Variants in VGLL1 observed in about 807,000 individuals in gnomAD.
VGLL1 encodes vestigial like family member 1, also known as transcription cofactor vestigial-like protein 1.
Under a neutral mutation model 12.0 loss-of-function variants are expected in VGLL1, and 4 were observed. The ratio of observed to expected loss-of-function variants is 0.33; its 90% CI spans 0.16 to 0.76. VGLL1 has a LOEUF of 0.76. VGLL1 is among the 30% of genes least tolerant of loss of function. VGLL1 has a pLI of 0.60. For synonymous variants in VGLL1, 87 were observed against 81.2 expected (o/e 1.07, Z -0.39); for missense variants, 204 against 208.7 (o/e 0.98, Z 0.14).
In VGLL1 at chrX:136,548,676, A is replaced by T; in HGVS notation, c.302A>T (p.Asn101Ile). The T allele has an allele frequency of 8.2e-7, 1 of 1,212,190 alleles. No individual in the cohort carries two copies. Among genetic ancestry groups the T allele is most frequent in the East Asian group, 3.0e-5 (1 of 33,848 alleles). The change falls in exon 3 of 5, where the codon AAC (asparagine) becomes ATC (isoleucine). Residue 101 changes from asparagine to isoleucine, a missense_variant. Transcript: ENST00000370634. Reference protein sequence around the residue: ...PEVPVTNRAANCNLHVPGPMA... With the variant: ...PEVPVTNRAAICNLHVPGPMA... ...GTACCTGTCACAAACCGTGCCGCCA[A>T]CTGCAACTTGCATGTGCCTGGTCCC... is the stretch of plus-strand genomic sequence containing the variant.
chrX:136,548,570 C>G lies in VGLL1; in HGVS notation c.215-19C>G. On this transcript the variant is annotated intron_variant, in intron 2 of 4. Coordinates refer to ENST00000370634, the MANE Select transcript of VGLL1 (RefSeq NM_016267.4). Reference sequence around the variant, plus strand: ...AAACAATAAACACCTAACATGTCTTCTAAATCTTTCCTTCTCAGATGATAG... The same window carrying G: ...AAACAATAAACACCTAACATGTCTTGTAAATCTTTCCTTCTCAGATGATAG... The G allele has an allele frequency of 8.3e-7, 1 of 1,200,920 alleles. No homozygotes were observed. The highest frequency in any genetic ancestry group is 1.8e-5 in the South Asian group (1 of 56,254).
chrX:136,553,711 G>T (rs987892362), intron 4 of VGLL1, among the ~76,000 whole-genome samples: 5 of 112,133 alleles, frequency 4.5e-5, no homozygotes, highest in Admixed American at 9.5e-5. Context: ...GATTTCCTAT[G>T]TGAGGCTCCA....
At chrX:136,542,619 G>T (rs1366551808) in intron 2 of VGLL1, among the ~76,000 whole-genome samples, 2 of 112,286 alleles carry the variant, frequency 1.8e-5, no homozygotes, top group African/African-American at 6.5e-5. Flanking sequence ...TCTGCATGTT[G>T]GTTGTGCTTC....
chrX:136,539,171 A>G (rs7884141), intron 2 of VGLL1, among the ~76,000 whole-genome samples: 22,667 of 111,363 alleles, frequency 0.2, 2,403 homozygotes, highest in African/African-American at 0.4. Context: ...ATTCATTATA[A>G]TCATTCCCTT....
chrX:136,535,179 C>A (rs2075836133), intron 1 of VGLL1, among the ~76,000 whole-genome samples: 1 of 111,309 alleles, frequency 9.0e-6, no homozygotes, highest in Non-Finnish European at 1.9e-5. Flanking sequence ...ATGATGATAC[C>A]AATGATGGAA....
rs776975203 is a variant in VGLL1 at position 136,535,983 on chromosome X, C to T, written c.-25-13C>T. 9 of 1,178,674 alleles carry T rather than the reference C, an allele frequency of 7.6e-6. No individual in the cohort carries two copies. The highest frequency in any genetic ancestry group is 1.1e-6 in the Non-Finnish European group (1 of 870,866). ...GTAAATAGTGCCAGTGACATTTTGC[C>T]TTTGGTCCACAGCTGTCACCTGTGT... is the stretch of plus-strand genomic sequence containing the variant. On this transcript the variant is annotated splice_polypyrimidine_tract_variant and intron_variant, in intron 1 of 4. Transcript: ENST00000370634.
chrX:136,552,690 A>C (rs1160762565), intron 4 of VGLL1, among the ~76,000 whole-genome samples: 1 of 112,264 alleles, frequency 8.9e-6, no homozygotes, highest in Non-Finnish European at 1.9e-5. Flanking sequence ...CATTTTATAG[A>C]TGAAGAAACT....
chrX:136,547,194 C>G (rs1182157569), intron 2 of VGLL1, among the ~76,000 whole-genome samples: 1 of 112,634 alleles, frequency 8.9e-6, no homozygotes, highest in South Asian at 3.7e-4. Context: ...CACCCACCCT[C>G]TCTCCATTAT....
At chrX:136,551,001 G>A (rs745712500) in intron 4 of VGLL1, 180 bp downstream of exon 4, 55 of 428,942 alleles carry the variant, frequency 1.3e-4, no homozygotes, top group South Asian at 2.7e-4. Flanking sequence ...TTTCATTTTA[G>A]CCTCAAAAAA....
At chrX:136,532,573 ATTTCTTTCTTTC>A (rs778585359) in intron 1 of VGLL1, among the ~76,000 whole-genome samples, 7,184 of 41,332 alleles carry the variant, frequency 0.17, 975 homozygotes, top group Middle Eastern at 0.21. Context: ...GTGCTCAAAT[ATTTCTTTCTTTC>A]TTTCTTTCTT....
chrX:136,552,842 G>C (rs1361309960), intron 4 of VGLL1, among the ~76,000 whole-genome samples: 1 of 112,010 alleles, frequency 8.9e-6, no homozygotes, highest in African/African-American at 3.2e-5. Flanking sequence ...GTGAAAATTA[G>C]TCACTGGTGA....
chrX:136,549,166 A>C (rs906463813), intron 3 of VGLL1, among the ~76,000 whole-genome samples, 158 bp downstream of exon 3: 2 of 111,753 alleles, frequency 1.8e-5, no homozygotes, highest in Admixed American at 9.5e-5. Context: ...ATACATCTTC[A>C]CTAGGCTTCA....
chrX:136,550,827 T>C lies in VGLL1; in HGVS notation c.688+6T>C, dbSNP rs2075883682. On this transcript the variant is annotated splice_donor_region_variant and intron_variant, in intron 4 of 4. Transcript: ENST00000370634. The stretch of plus-strand genomic sequence containing the variant: ...TACCAGCCTTCCAAATGAAAGTAGG[T>C]ATCTGGGCCAGCCTTTGATGGTGTG... 1 of 1,204,143 alleles carries C rather than the reference T, an allele frequency of 8.3e-7. No individual in the cohort carries two copies. The highest frequency in any genetic ancestry group is 2.2e-5 in the Admixed American group (1 of 45,877).
intron 4 of VGLL1, among the ~76,000 whole-genome samples, chrX:136,554,786 G>C (rs980873385): frequency 8.9e-6 from 1 of 112,246 alleles, no homozygotes; most frequent in African/African-American, 3.2e-5. Context: ...TTATCTCCTA[G>C]GTTTCATGTT....
At chrX:136,541,390 C>G (rs1224403250) in intron 2 of VGLL1, among the ~76,000 whole-genome samples, 1 of 111,831 alleles carries the variant, frequency 8.9e-6, no homozygotes, top group Non-Finnish European at 1.9e-5. Context: ...GTGGTGCGGG[C>G]TAGGCAAATA....
rs766883946 is a variant in VGLL1 at position 136,535,079 on chromosome X, AC to A, written c.-25-916del. ...GCTACTTCCCTAGTAAAGGAAGGCC[AC>A]AGCATGTCTTGAGGGCCCACGGTGT... On this transcript the variant is annotated intron_variant, in intron 1 of 4. Coordinates refer to ENST00000370634, the MANE Select transcript of VGLL1 (RefSeq NM_016267.4). 3.6e-5 allele frequency among the ~76,000 whole-genome samples: 4 copies of A among 112,095 alleles called. No homozygotes were observed. In the South Asian group the frequency reaches 1.5e-3, roughly 42 times the overall value.
intron 2 of VGLL1, among the ~76,000 whole-genome samples, chrX:136,541,453 C>T (rs982457968): frequency 9.8e-5 from 11 of 112,555 alleles, no homozygotes; most frequent in Admixed American, 3.8e-4. Flanking sequence ...CAAAGCCTCT[C>T]TTATCACCAC....
At chrX:136,550,574 G>T (rs1360395303) in intron 3 of VGLL1, 194 bp from the exon 4 acceptor site, 3 of 379,147 alleles carry the variant, frequency 7.9e-6, no homozygotes, top group African/African-American at 2.6e-5. Flanking sequence ...CCTTAATCAG[G>T]AACACTGCCT....
chrX:136,545,912 T>A (rs1397004802), intron 2 of VGLL1, among the ~76,000 whole-genome samples: 2 of 111,641 alleles, frequency 1.8e-5, no homozygotes, highest in Admixed American at 9.5e-5. Flanking sequence ...CAGCTCTCTC[T>A]GGACAGGTTT....
Sources: allele counts gnomAD v4.1 joint callset (sites outside exome capture counted in the v4.1 genomes callset), GRCh38; gene constraint gnomAD v4.1.1; transcripts MANE v1.5; gene names NCBI Gene and HGNC (gene_info 2026-07-23, HGNC 2026-07-21).